EFTUD2: variants seen among roughly 807,000 people sequenced by gnomAD.
The protein encoded by EFTUD2 is elongation factor Tu GTP binding domain containing 2.
A neutral mutation model predicts 114.3 loss-of-function variants in EFTUD2; 9 were observed. That is an observed-to-expected ratio of 0.08 (90% CI 0.05 to 0.14). The LOEUF (loss-of-function observed/expected upper bound fraction) is 0.14. EFTUD2 is among the 10% of genes least tolerant of loss of function. The probability of loss-of-function intolerance (pLI) is 1.00; values close to 1 mark genes in which losing one functional copy is unlikely to be tolerated. For synonymous variants in EFTUD2, 449 were observed against 462.3 expected (o/e 0.97, Z 0.37); for missense variants, 765 against 1,241.2 (o/e 0.62, Z 5.76).
Position 44,876,131 on chromosome 17 carries a change from G to T in EFTUD2, c.703-31C>A, listed in dbSNP as rs374840032. The stretch of plus-strand genomic sequence containing the variant: ...AAAAACAAGGCTCAGAAGGTGGTAA[G>T]AAGAACAAGGAGGGCAGAAAGTTCA... On this transcript the variant is annotated intron_variant, in intron 9 of 27. Transcript: ENST00000426333. 9.4e-6 allele frequency: 15 copies of T among 1,589,760 alleles called. No individual in the cohort carries two copies. The African/African-American group carries it at 2.0e-4, about 21-fold the overall frequency.
At chr17:44,889,895 T>C (rs1263360550) in intron 2 of EFTUD2, among the ~76,000 whole-genome samples, 5 of 152,254 alleles carry the variant, frequency 3.3e-5, no homozygotes, top group East Asian at 1.9e-4. Flanking sequence ...GGATTTTATA[T>C]AATAATTTCT....
intron 9 of EFTUD2, among the ~76,000 whole-genome samples, chr17:44,876,646 A>C (rs1210102639): frequency 6.6e-6 from 1 of 151,816 alleles, no homozygotes; most frequent in Non-Finnish European, 1.5e-5. Flanking sequence ...AGGTCAGGAG[A>C]TCGAGACCAT....
chr17:44,872,230 G>C (rs1351434868), intron 11 of EFTUD2, among the ~76,000 whole-genome samples: 3 of 152,136 alleles, frequency 2.0e-5, no homozygotes, highest in Non-Finnish European at 2.9e-5. Context: ...CTTCTCCCAT[G>C]TCCTCCTATT....
chr17:44,850,576 C>A lies in EFTUD2; in HGVS notation c.*698G>T. On this transcript the variant is annotated 3_prime_UTR_variant, in exon 28 of 28. Coordinates refer to ENST00000426333, the MANE Select transcript of EFTUD2 (RefSeq NM_004247.4). ...TGGCTGGAAATCAAAGTGCTCTGGC[C>A]CCCTACTCCAGGGCAAGGAAGATTC... 2 of 539,778 alleles carry A rather than the reference C, an allele frequency of 3.7e-6. No homozygotes were observed. Among genetic ancestry groups the A allele is most frequent in the Non-Finnish European group, 3.3e-6 (1 of 298,594 alleles). 33.4% of individuals were successfully genotyped at this position (539,778 alleles called of 1,614,324 possible). A position where few individuals can be genotyped will look rare whatever the true frequency, so the allele number is the denominator to read the frequency against.
intron 20 of EFTUD2, among the ~76,000 whole-genome samples, chr17:44,856,734 T>G (rs2050561130): frequency 6.7e-6 from 1 of 149,630 alleles, no homozygotes; most frequent in South Asian, 2.1e-4. Context: ...GCCCAGAAAG[T>G]TGAGGCTGCA....
At chr17:44,887,645 CAGAA>C (rs2051198517) in intron 2 of EFTUD2, among the ~76,000 whole-genome samples, 1 of 152,146 alleles carries the variant, frequency 6.6e-6, no homozygotes, top group South Asian at 2.1e-4. Flanking sequence ...TCTATATAGA[CAGAA>C]AGCAGATTGC....
intron 1 of EFTUD2, among the ~76,000 whole-genome samples, chr17:44,896,906 C>G (rs989798419): frequency 6.6e-6 from 1 of 152,084 alleles, no homozygotes; most frequent in Non-Finnish European, 1.5e-5. Flanking sequence ...TTAAATAAAA[C>G]ACCCTGTGTA....
chr17:44,879,755 C>T, intron 8 of EFTUD2, 117 bp from the exon 9 acceptor site: 1 of 976,442 alleles, frequency 1.0e-6, no homozygotes. Flanking sequence ...CCCCTTTCCT[C>T]CTCGCCATAA....
intron 8 of EFTUD2, among the ~76,000 whole-genome samples, chr17:44,879,923 T>C (rs2051039896): frequency 6.6e-6 from 1 of 151,836 alleles, no homozygotes; most frequent in African/African-American, 2.4e-5. Flanking sequence ...CAGCAGTAAG[T>C]AGAGTTCTGT....
chr17:44,888,849 G>A (rs2051223371), intron 2 of EFTUD2, among the ~76,000 whole-genome samples: 1 of 152,216 alleles, frequency 6.6e-6, no homozygotes, highest in African/African-American at 2.4e-5. Context: ...TAGACATTAA[G>A]TAGAGATGCC....
At chr17:44,893,747 C>A (rs1406069874) in intron 2 of EFTUD2, among the ~76,000 whole-genome samples, 1 of 110,528 alleles carries the variant, frequency 9.0e-6, no homozygotes, top group East Asian at 2.5e-4. Context: ...TTCAAAATTT[C>A]ATTGTTTTTT....
chr17:44,895,156 T>C (rs969553518), intron 1 of EFTUD2, among the ~76,000 whole-genome samples: 16 of 152,226 alleles, frequency 1.1e-4, no homozygotes, highest in African/African-American at 3.9e-4. Flanking sequence ...TCATGATACA[T>C]GAAAATTAAT....
intron 1 of EFTUD2, 159 bp downstream of exon 1, chr17:44,899,210 C>T (rs564501449): frequency 6.6e-6 from 1 of 152,374 alleles, no homozygotes; most frequent in Admixed American, 6.5e-5. Flanking sequence ...ACGAGGACGA[C>T]AGGGTCTTCC....
At chr17:44,853,207 G>C in intron 25 of EFTUD2, 89 bp downstream of exon 25, 1 of 1,414,248 alleles carries the variant, frequency 7.1e-7, no homozygotes, top group Non-Finnish European at 9.7e-7. Flanking sequence ...GGGTAGAGAA[G>C]GCCAACCTCT....
chr17:44,875,430 T>C (rs1455327174), intron 10 of EFTUD2, among the ~76,000 whole-genome samples: 1 of 151,838 alleles, frequency 6.6e-6, no homozygotes, highest in Non-Finnish European at 1.5e-5. Flanking sequence ...CTTGAGAGGC[T>C]GAGGCAGGAG....
chr17:44,859,095 T>G lies in EFTUD2; in HGVS notation c.1947A>C (p.Ser649=). ...CVMHDLRKMY[S]EIDIKVADPV... is the part of the protein sequence containing the mutation. ...ACTGCTGTACCTTGATGTCTATCTC[T>G]GAGTACATCTTCCGCAAATCATGCA... The change falls in exon 19 of 28, where the codon TCA becomes TCC. Residue 649 remains serine, a synonymous_variant. Coordinates refer to ENST00000426333, the MANE Select transcript of EFTUD2 (RefSeq NM_004247.4). 1 of 1,612,382 alleles carries G rather than the reference T, an allele frequency of 6.2e-7. No homozygotes were observed. The highest frequency in any genetic ancestry group is 8.5e-7 in the Non-Finnish European group (1 of 1,178,396).
chr17:44,890,398 A>T (rs199929825), intron 2 of EFTUD2, among the ~76,000 whole-genome samples: 16,122 of 82,004 alleles, frequency 0.2, 864 homozygotes, highest in Middle Eastern at 0.4. Flanking sequence ...AATATAATTA[A>T]AAAAAAAAAT....
chr17:44,858,282 C>T (rs2050593681), intron 19 of EFTUD2, among the ~76,000 whole-genome samples: 1 of 152,096 alleles, frequency 6.6e-6, no homozygotes, highest in South Asian at 2.1e-4. Context: ...GTCACCCATG[C>T]TAGGGTGCAG....
Position 44,867,888 on chromosome 17 carries a change from G to A in EFTUD2, c.1068C>T (p.Phe356=). The change falls in exon 13 of 28, where the codon TTC becomes TTT. Residue 356 remains phenylalanine, a synonymous_variant. Transcript: ENST00000426333. ...AGCTGCTAGTTGGGGCCTTTTTGGT[G>A]AACTTTCGCCTAAAAGGAAAAATAA... The part of the protein sequence containing the change: ...DIYFNPKTRK[F]TKKAPTSSSQ... The A allele has an allele frequency of 6.3e-7, 1 of 1,597,066 alleles. No homozygotes were observed. Among genetic ancestry groups the A allele is most frequent in the Non-Finnish European group, 8.5e-7 (1 of 1,171,164 alleles).
Sources: allele counts gnomAD v4.1 joint callset (sites outside exome capture counted in the v4.1 genomes callset), GRCh38; gene constraint gnomAD v4.1.1; transcripts MANE v1.5; gene names NCBI Gene and HGNC (gene_info 2026-07-23, HGNC 2026-07-21).